Variants in SLC12A3 observed in about 807,000 individuals in gnomAD.
SLC12A3 encodes solute carrier family 12 member 3, also known as Na-Cl cotransporter.
A neutral mutation model predicts 121.0 loss-of-function variants in SLC12A3; 104 were observed. The observed-to-expected ratio is 0.86, with a 90% CI of 0.73 to 1.01. SLC12A3 has a LOEUF of 1.01. Among genes scored for constraint, SLC12A3 ranks in the 50% least tolerant of loss-of-function variants. The pLI is 0.00. For missense variants in SLC12A3, 1,328 were observed against 1,356.3 expected (o/e 0.98, Z 0.33); for synonymous variants, 536 against 533.4 (o/e 1.00, Z -0.07).
intron 1 of SLC12A3, among the ~76,000 whole-genome samples, chr16:56,866,346 C>A (rs973846510): frequency 1.2e-4 from 18 of 152,166 alleles, no homozygotes; most frequent in African/African-American, 4.3e-4. Flanking sequence ...TTCTCCACCC[C>A]AGAGCAAACC....
In SLC12A3 at chr16:56,875,148, C is replaced by G. The variant is rs188423422; in HGVS notation, c.1095+2362C>G. 1.1e-4 allele frequency among the ~76,000 whole-genome samples: 17 copies of G among 152,210 alleles called. No individual in the cohort carries two copies. The East Asian group carries it at 3.1e-3, about 28-fold the overall frequency. ...GCTGGATGAGGCCCGCGCGCCTGCA[C>G]TCTGTCCTAAATGCCCTCAAGCTTT... On this transcript the variant is annotated intron_variant, in intron 8 of 25. Coordinates refer to ENST00000563236, the MANE Select transcript of SLC12A3 (RefSeq NM_001126108.2).
chr16:56,873,420 CTT>C (rs2055127362), intron 8 of SLC12A3, among the ~76,000 whole-genome samples: 1 of 56,670 alleles, frequency 1.8e-5, no homozygotes, highest in Admixed American at 2.8e-4. Flanking sequence ...GAGTTTTGCT[CTT>C]GTTGCCCAGG....
chr16:56,908,346 T>C (rs1194293738), intron 25 of SLC12A3, among the ~76,000 whole-genome samples: 1 of 151,934 alleles, frequency 6.6e-6, no homozygotes, highest in Non-Finnish European at 1.5e-5. Flanking sequence ...GGTTGCACCA[T>C]GGTGGCCAGG....
At chr16:56,905,068 G>T (rs148356605) in intron 25 of SLC12A3, among the ~76,000 whole-genome samples, 190 of 152,238 alleles carry the variant, frequency 1.2e-3, no homozygotes, top group African/African-American at 4.3e-3. Context: ...GGCCGGGCAC[G>T]GTGGCTCATG....
chr16:56,882,508 C>A lies in SLC12A3; in HGVS notation c.1669+11C>A, dbSNP rs1470359719. 9.4e-6 allele frequency: 15 copies of A among 1,603,942 alleles called. No individual in the cohort carries two copies. The highest frequency in any genetic ancestry group is 1.2e-5 in the Non-Finnish European group (14 of 1,170,846). The stretch of plus-strand genomic sequence containing the variant: ...TCACCAACTCGCCTGGTAAGCAAAC[C>A]CTTCACCCACCTCAGGAGGAGGCAC... On this transcript the variant is annotated intron_variant, in intron 13 of 25. Coordinates refer to ENST00000563236, the MANE Select transcript of SLC12A3 (RefSeq NM_001126108.2).
chr16:56,881,460 T>C (rs1314514692), intron 12 of SLC12A3, among the ~76,000 whole-genome samples: 1 of 152,054 alleles, frequency 6.6e-6, no homozygotes. Flanking sequence ...GGGGTCTGAC[T>C]TGACTTCAGA....
At chr16:56,896,055 C>G (rs2055457955) in intron 22 of SLC12A3, among the ~76,000 whole-genome samples, 1 of 152,232 alleles carries the variant, frequency 6.6e-6, no homozygotes, top group African/African-American at 2.4e-5. Flanking sequence ...CACCCGGTTC[C>G]TAACAGGCCA....
At chr16:56,872,944 G>A (rs369922389) in intron 8 of SLC12A3, among the ~76,000 whole-genome samples, 158 bp downstream of exon 8, 5 of 152,206 alleles carry the variant, frequency 3.3e-5, no homozygotes, top group African/African-American at 1.2e-4. Flanking sequence ...CAATCCAACC[G>A]ATTCCATTCC....
intron 23 of SLC12A3, among the ~76,000 whole-genome samples, chr16:56,900,914 C>CA (rs2055529132): frequency 6.6e-6 from 1 of 152,170 alleles, no homozygotes; most frequent in Non-Finnish European, 1.5e-5. Context: ...TTGGCACAGC[C>CA]AGACTTCAAG....
chr16:56,888,432 G>A (rs2055347239), intron 18 of SLC12A3, among the ~76,000 whole-genome samples: 1 of 152,214 alleles, frequency 6.6e-6, no homozygotes, highest in Admixed American at 6.5e-5. Context: ...AGGGGTGATA[G>A]GGAGCAGTGG....
chr16:56,867,365 C>A, intron 2 of SLC12A3, 149 bp downstream of exon 2: 2 of 843,446 alleles, frequency 2.4e-6, no homozygotes, highest in Non-Finnish European at 1.8e-6. Context: ...GATCAATAGA[C>A]AATAGATTAA....
intron 18 of SLC12A3, among the ~76,000 whole-genome samples, chr16:56,889,328 T>C (rs2055359037): frequency 6.6e-6 from 1 of 152,212 alleles, no homozygotes; most frequent in South Asian, 2.1e-4. Flanking sequence ...AAGTTCCTTG[T>C]CCTGGAGATA....
At chr16:56,883,271 TTTTC>T (rs2055264849) in intron 13 of SLC12A3, among the ~76,000 whole-genome samples, 1 of 147,082 alleles carries the variant, frequency 6.8e-6, no homozygotes, top group East Asian at 2.0e-4. Context: ...GAGGAAGACT[TTTTC>T]TTTCTTTTTT....
intron 6 of SLC12A3, 99 bp downstream of exon 6, chr16:56,870,835 C>CT: frequency 6.0e-6 from 4 of 667,934 alleles, no homozygotes; most frequent in South Asian, 1.7e-5. Context: ...TTTTCTTTTT[C>CT]TTTTCTTTTT....
intron 12 of SLC12A3, among the ~76,000 whole-genome samples, chr16:56,881,964 G>A (rs1378650869): frequency 5.9e-5 from 9 of 151,320 alleles, no homozygotes; most frequent in Non-Finnish European, 7.4e-5. Context: ...CAGGAGAATC[G>A]CTTGAGCCCA....
rs2055714474 is a variant in SLC12A3, at chr16:56,913,476, C to T, written c.*71C>T. ...AAGTTGGAACTTGATTGCCTCTAGT[C>T]CACAGGGATGAGACTCATGTTCTGT... On this transcript the variant is annotated 3_prime_UTR_variant, in exon 26 of 26. Coordinates refer to ENST00000563236, the MANE Select transcript of SLC12A3 (RefSeq NM_001126108.2). 2.8e-6 allele frequency: 4 copies of T among 1,439,162 alleles called. No individual in the cohort carries two copies. Among genetic ancestry groups the T allele is most frequent in the Non-Finnish European group, 3.9e-6 (4 of 1,020,730 alleles). The allele number at this position is 1,439,162 out of a possible 1,614,324, so 89.1% of individuals were successfully genotyped here.
chr16:56,887,396 G>A (rs952972885), intron 17 of SLC12A3, among the ~76,000 whole-genome samples: 1 of 151,828 alleles, frequency 6.6e-6, no homozygotes. Flanking sequence ...TAGTAGAGAC[G>A]GGGTTTCACC....
chr16:56,889,151 G>T (rs1278242863), intron 18 of SLC12A3, among the ~76,000 whole-genome samples: 1 of 150,916 alleles, frequency 6.6e-6, no homozygotes, highest in Non-Finnish European at 1.5e-5. Flanking sequence ...TGAGGCTGAG[G>T]GTTGGGGCCC....
At chr16:56,896,413 C>T (rs1386323002) in intron 22 of SLC12A3, among the ~76,000 whole-genome samples, 1 of 152,162 alleles carries the variant, frequency 6.6e-6, no homozygotes, top group African/African-American at 2.4e-5. Context: ...TTTTATTGGA[C>T]ACCTCTCCCT....
Sources: gnomAD v4.1 joint callset for allele counts (sites outside exome capture counted in the v4.1 genomes callset) on GRCh38, gnomAD v4.1.1 for gene constraint, MANE v1.5 for transcripts, NCBI Gene and HGNC (gene_info 2026-07-23, HGNC 2026-07-21) for gene names.